Variants in ANKRD45 observed in about 807,000 individuals in gnomAD.
The protein encoded by ANKRD45 is ankyrin repeat domain 45.
In ANKRD45, 21 loss-of-function variants were observed where a neutral mutation model predicts 28.1. The observed-to-expected ratio is 0.75, with a 90% CI of 0.53 to 1.08. ANKRD45 has a LOEUF of 1.08. Ranked by LOEUF, ANKRD45 falls within the 50% of genes least tolerant of loss-of-function variation. The pLI is 0.00. For synonymous variants in ANKRD45, 86 were observed against 103.9 expected (o/e 0.83, Z 1.05); for missense variants, 261 against 308.7 (o/e 0.85, Z 1.16).
At chr1:173,714,330 A>T in the ANKRD45 span, among the ~76,000 whole-genome samples, 8 of 152,204 alleles carry the variant, frequency 5.3e-5, no homozygotes, top group East Asian at 7.7e-4. Context: ...CTGAAAAAAA[A>T]TTTTTTTAAG....
intron 1 of ANKRD45, chr1:173,669,398 CAAAAA>C: frequency 2.6e-6 from 1 of 391,784 alleles, no homozygotes; most frequent in Non-Finnish European, 5.0e-6. Flanking sequence ...TTTTTTTCTT[CAAAAA>C]AAAAAAAAAA....
At chr1:173,698,539 G>A in the ANKRD45 span, among the ~76,000 whole-genome samples, 1 of 152,104 alleles carries the variant, frequency 6.6e-6, no homozygotes, top group Non-Finnish European at 1.5e-5. Flanking sequence ...ACAACTACAT[G>A]GAAACTGAAC....
intron 3 of ANKRD45, among the ~76,000 whole-genome samples, chr1:173,641,208 C>T (rs1048243472): frequency 1.3e-5 from 2 of 152,100 alleles, no homozygotes; most frequent in Admixed American, 6.6e-5. Context: ...TGGCTGAAAT[C>T]GATTAAATAT....
At chr1:173,631,457 G>A (rs1016606293) in intron 3 of ANKRD45, among the ~76,000 whole-genome samples, 9 of 151,436 alleles carry the variant, frequency 5.9e-5, no homozygotes, top group Middle Eastern at 3.4e-3. Flanking sequence ...AAGAAACATC[G>A]GACTTAATCT....
the ANKRD45 span, among the ~76,000 whole-genome samples, chr1:173,696,844 A>C: frequency 6.6e-6 from 1 of 152,128 alleles, no homozygotes; most frequent in African/African-American, 2.4e-5. Flanking sequence ...TAGGCTTCAG[A>C]AGGTCGGTAA....
intron 3 of ANKRD45, chr1:173,636,930 T>C: frequency 6.5e-7 from 1 of 1,535,702 alleles, no homozygotes; most frequent in South Asian, 1.2e-5. Flanking sequence ...ACAGCATCAG[T>C]GATATACAAG....
chr1:173,711,591 G>A, the ANKRD45 span, among the ~76,000 whole-genome samples: 8 of 152,142 alleles, frequency 5.3e-5, no homozygotes, highest in South Asian at 4.1e-4. Context: ...TTCCCAGCTT[G>A]ACTTTTCCCT....
intron 5 of ANKRD45, among the ~76,000 whole-genome samples, chr1:173,620,245 A>C (rs1399875543): frequency 6.6e-6 from 1 of 152,232 alleles, no homozygotes; most frequent in Non-Finnish European, 1.5e-5. Flanking sequence ...AAATCATAAC[A>C]AACTGTCTCT....
At position 173,665,551 on chromosome 1, in the gene ANKRD45, T is replaced by C. The variant is rs111994150; in HGVS notation, c.-16+4266A>G. Among the ~76,000 whole-genome samples, 8 of 152,296 alleles carry C rather than the reference T, an allele frequency of 5.3e-5. 1 individual carries two copies. The highest frequency in any genetic ancestry group is 1.9e-4 in the African/African-American group (8 of 41,562). On this transcript the variant is annotated intron_variant, in intron 1 of 5. Transcript: ENST00000333279. ...AGAATATTCAAAGCTACTCTTGTTA[T>C]ACCCTTGAATGGAGCTTAATTTCTA...
At chr1:173,695,669 T>C in the ANKRD45 span, among the ~76,000 whole-genome samples, 1 of 152,074 alleles carries the variant, frequency 6.6e-6, no homozygotes, top group Non-Finnish European at 1.5e-5. Flanking sequence ...AGCATATGAG[T>C]GTGTGTGTCT....
intron 1 of ANKRD45, among the ~76,000 whole-genome samples, chr1:173,669,081 C>T (rs1670142534): frequency 6.6e-6 from 1 of 152,210 alleles, no homozygotes; most frequent in African/African-American, 2.4e-5. Context: ...CCCATAGGCT[C>T]TCACATTTTG....
intron 1 of ANKRD45, among the ~76,000 whole-genome samples, chr1:173,669,044 G>A (rs1362493255): frequency 1.3e-5 from 2 of 152,166 alleles, no homozygotes; most frequent in East Asian, 3.9e-4. Flanking sequence ...ACCCACAATA[G>A]AAAATCACAT....
the ANKRD45 span, among the ~76,000 whole-genome samples, chr1:173,688,545 TCCCTCTCTGC>T: frequency 7.3e-6 from 1 of 137,054 alleles, no homozygotes; most frequent in Non-Finnish European, 1.5e-5. Flanking sequence ...TCCCTCTCTC[TCCCTCTCTGC>T]CTCTTCCTCT....
intron 5 of ANKRD45, among the ~76,000 whole-genome samples, chr1:173,623,055 C>T (rs1189262637): frequency 6.6e-6 from 1 of 151,286 alleles, no homozygotes; most frequent in South Asian, 2.1e-4. Context: ...GTGGCTCATG[C>T]CTGTAATCTC....
chr1:173,673,636 T>C (rs967453740), upstream of ANKRD45, among the ~76,000 whole-genome samples: 2 of 152,178 alleles, frequency 1.3e-5, no homozygotes, highest in African/African-American at 4.8e-5. Flanking sequence ...AGTGATATTA[T>C]TCTTGAAACC....
rs997495679 is a variant in ANKRD45, at chr1:173,636,829, G to A, written c.497-9670C>T. Reference sequence around the variant, plus strand: ...CTGTATTGTTTTTCTCCTTTTAGCTGAAAAAGCAAGCCTCCTTAGAAAAAC... The same window carrying A: ...CTGTATTGTTTTTCTCCTTTTAGCTAAAAAAGCAAGCCTCCTTAGAAAAAC... On this transcript the variant is annotated intron_variant, in intron 3 of 5. Coordinates refer to ENST00000333279, the MANE Select transcript of ANKRD45 (RefSeq NM_198493.3). 4 of 1,534,824 alleles carry A rather than the reference G, an allele frequency of 2.6e-6. No homozygotes were observed. The Middle Eastern group carries it at 6.7e-4, about 256-fold the overall frequency.
chr1:173,698,654 G>A, the ANKRD45 span, among the ~76,000 whole-genome samples: 1 of 152,136 alleles, frequency 6.6e-6, no homozygotes, highest in Non-Finnish European at 1.5e-5. Context: ...AGAATCTCCA[G>A]GACACATTTA....
At chr1:173,659,957 G>A (rs900380137) in intron 1 of ANKRD45, among the ~76,000 whole-genome samples, 1 of 152,028 alleles carries the variant, frequency 6.6e-6, no homozygotes, top group African/African-American at 2.4e-5. Context: ...CTATTTCAAA[G>A]GAAAAAATAT....
chr1:173,644,287 C>A (rs925057665), intron 3 of ANKRD45, among the ~76,000 whole-genome samples: 3 of 152,156 alleles, frequency 2.0e-5, no homozygotes, highest in African/African-American at 7.2e-5. Context: ...ATTTATGTTT[C>A]TGACATTCCA....
Sources: allele counts gnomAD v4.1 joint callset (sites outside exome capture counted in the v4.1 genomes callset), GRCh38; gene constraint gnomAD v4.1.1; transcripts MANE v1.5; gene names NCBI Gene and HGNC (gene_info 2026-07-23, HGNC 2026-07-21).